Variants in ESF1 observed in about 807,000 individuals in gnomAD.
ESF1 encodes the protein ESF1 homolog.
ESF1 carries 58 observed loss-of-function variants against 92.0 expected under a neutral mutation model. The observed-to-expected ratio is 0.63, with a 90% CI of 0.51 to 0.78. The LOEUF is 0.78. Ranked by LOEUF, ESF1 falls within the 30% of genes least tolerant of loss-of-function variation. ESF1 has a pLI of 0.00. For synonymous variants in ESF1, 321 were observed against 313.7 expected (o/e 1.02, Z -0.24); for missense variants, 922 against 989.1 (o/e 0.93, Z 0.91).
rs916465150 is a variant in ESF1 at position 13,714,762 on chromosome 20, G to T, written c.*112C>A. On this transcript the variant is annotated 3_prime_UTR_variant, in exon 14 of 14. Transcript: ENST00000617257. ...AAAAATTTTACTATGTCCAGAAAAA[G>T]ATTTTATTCATGTTCTTGAAAGATA... 10 of 1,027,772 alleles carry T rather than the reference G, an allele frequency of 9.7e-6. No individual in the cohort carries two copies. The highest frequency in any genetic ancestry group is 3.9e-5 in the South Asian group (2 of 50,676). 63.7% of individuals were successfully genotyped at this position (1,027,772 alleles called of 1,614,324 possible).
chr20:13,784,285 C>CT (rs1980497380), intron 1 of ESF1, among the ~76,000 whole-genome samples: 1 of 11,706 alleles, frequency 8.5e-5, no homozygotes. Flanking sequence ...TATTAAGCAA[C>CT]CCCCCCCCAA....
intron 11 of ESF1, among the ~76,000 whole-genome samples, chr20:13,721,579 T>G (rs560382379): frequency 6.6e-6 from 1 of 152,280 alleles, no homozygotes; most frequent in East Asian, 1.9e-4. Flanking sequence ...GTCAAGATGG[T>G]TGAAGAATTG....
intron 11 of ESF1, among the ~76,000 whole-genome samples, chr20:13,720,132 A>G (rs997720841): frequency 6.6e-6 from 1 of 152,072 alleles, no homozygotes; most frequent in African/African-American, 2.4e-5. Context: ...GGAACATGAG[A>G]CTTCTCGCCC....
intron 9 of ESF1, among the ~76,000 whole-genome samples, chr20:13,746,859 T>G (rs1280335761): frequency 1.3e-5 from 2 of 152,342 alleles, no homozygotes; most frequent in Admixed American, 1.3e-4. Flanking sequence ...ATCTAAATAT[T>G]TTCTTCCATA....
At chr20:13,737,403 C>A (rs2049981842) in intron 9 of ESF1, among the ~76,000 whole-genome samples, 1 of 152,098 alleles carries the variant, frequency 6.6e-6, no homozygotes, top group Non-Finnish European at 1.5e-5. Flanking sequence ...ATTCTGCCTA[C>A]CTTATTCATT....
At chr20:13,717,122 ATTTT>A (rs1351256234) in intron 13 of ESF1, among the ~76,000 whole-genome samples, 1 of 150,842 alleles carries the variant, frequency 6.6e-6, no homozygotes, top group Admixed American at 6.6e-5. Context: ...CAGCCAGCTA[ATTTT>A]TTTTATTTTT....
At chr20:13,717,968 T>G (rs73091999) in intron 12 of ESF1, among the ~76,000 whole-genome samples, 257 of 151,944 alleles carry the variant, frequency 1.7e-3, no homozygotes, top group Admixed American at 3.0e-3. Flanking sequence ...TTTTTTTTTT[T>G]GGCCTTTACT....
intron 2 of ESF1, among the ~76,000 whole-genome samples, chr20:13,777,155 C>T (rs756771292): frequency 6.6e-6 from 1 of 152,092 alleles, no homozygotes; most frequent in African/African-American, 2.4e-5. Flanking sequence ...AAAGGTAGTA[C>T]AGTACAAAAA....
chr20:13,740,109 A>C (rs2050002020), intron 9 of ESF1, among the ~76,000 whole-genome samples: 1 of 152,232 alleles, frequency 6.6e-6, no homozygotes, highest in Admixed American at 6.5e-5. Flanking sequence ...GGCCCAAAAT[A>C]ATCCAATCCA....
At chr20:13,728,749 C>T (rs2049920299) in intron 10 of ESF1, among the ~76,000 whole-genome samples, 1 of 151,806 alleles carries the variant, frequency 6.6e-6, no homozygotes. Flanking sequence ...TGCCTGTAGT[C>T]CCAGCTCCTC....
At chr20:13,746,074 C>T (rs2050046550) in intron 9 of ESF1, among the ~76,000 whole-genome samples, 1 of 152,104 alleles carries the variant, frequency 6.6e-6, no homozygotes, top group South Asian at 2.1e-4. Flanking sequence ...AAGAGATTCT[C>T]AAGCCTCAGC....
chr20:13,775,312 T>G, intron 3 of ESF1, 42 bp from the exon 4 acceptor site: 7 of 1,223,350 alleles, frequency 5.7e-6, no homozygotes, highest in Non-Finnish European at 8.2e-6. Context: ...ATCCATATCA[T>G]TCTCAATACT....
rs140486276 is a variant in ESF1, at chr20:13,724,948, G to GCC, written c.2038+3428_2038+3429dup. ...GCTGGTTCTCTCTTTCTCTGCCTAG[G>GCC]CCTCCCATACCGCTGCTCTTGCCAC... On this transcript the variant is annotated intron_variant, in intron 11 of 13. Transcript: ENST00000617257. 3.8e-3 allele frequency among the ~76,000 whole-genome samples: 573 copies of GCC among 152,192 alleles called. 3 individuals carry two copies. The highest frequency in any genetic ancestry group is 0.013 in the African/African-American group (525 of 41,524).
intron 9 of ESF1, among the ~76,000 whole-genome samples, chr20:13,753,184 G>C (rs752386811): frequency 6.6e-6 from 1 of 151,698 alleles, no homozygotes. Flanking sequence ...AAACAATGCC[G>C]AACATCCTCA....
At chr20:13,765,536 T>A (rs774618952) in intron 8 of ESF1, among the ~76,000 whole-genome samples, 1 of 152,148 alleles carries the variant, frequency 6.6e-6, no homozygotes. Flanking sequence ...TGAAAGTCAA[T>A]TGTGGTTTTA....
intron 13 of ESF1, among the ~76,000 whole-genome samples, chr20:13,716,752 C>T (rs2049829111): frequency 1.3e-5 from 2 of 148,516 alleles, no homozygotes; most frequent in East Asian, 4.0e-4. Flanking sequence ...GCGATCCTCC[C>T]ACCTCAGCCT....
intron 10 of ESF1, among the ~76,000 whole-genome samples, chr20:13,733,172 T>G (rs983712554): frequency 1.3e-5 from 2 of 152,112 alleles, no homozygotes; most frequent in African/African-American, 4.8e-5. Context: ...GTGATCCACC[T>G]GCCTTGGCCT....
intron 9 of ESF1, among the ~76,000 whole-genome samples, chr20:13,755,726 TAGAA>T (rs1482437865): frequency 2.6e-5 from 4 of 152,208 alleles, no homozygotes; most frequent in Non-Finnish European, 4.4e-5. Flanking sequence ...AAAATATTGA[TAGAA>T]AGAGTAGCTC....
At chr20:13,741,899 A>G (rs1317061974) in intron 9 of ESF1, among the ~76,000 whole-genome samples, 1 of 152,198 alleles carries the variant, frequency 6.6e-6, no homozygotes, top group Non-Finnish European at 1.5e-5. Context: ...GTAAATAAAG[A>G]GCTGCTAAAA....
Sources: gnomAD v4.1 joint callset for allele counts (sites outside exome capture counted in the v4.1 genomes callset) on GRCh38, gnomAD v4.1.1 for gene constraint, MANE v1.5 for transcripts, NCBI Gene and HGNC (gene_info 2026-07-23, HGNC 2026-07-21) for gene names.